Variants in CNN3 observed in about 807,000 individuals in gnomAD.
The protein encoded by CNN3 is calponin-3.
In CNN3, 11 loss-of-function variants were observed where a neutral mutation model predicts 39.0. The observed-to-expected ratio is 0.28, with a 90% confidence interval of 0.18 to 0.47. The LOEUF is 0.47. Ranked by LOEUF, CNN3 falls within the 20% of genes least tolerant of loss-of-function variation. The probability of loss-of-function intolerance (pLI) is 0.99; values close to 1 mark genes in which losing one functional copy is unlikely to be tolerated. For synonymous variants in CNN3, 101 were observed against 138.3 expected, an observed-to-expected ratio of 0.73 and a Z score of 1.89; for missense variants, 266 against 403.4, an observed-to-expected ratio of 0.66 and a Z score of 2.92.
In CNN3 at chr1:94,926,912, G is replaced by C; in HGVS notation, c.-18C>G. 1 of 1,606,970 alleles carries C rather than the reference G, an allele frequency of 6.2e-7. No individual in the cohort carries two copies. The highest frequency in any genetic ancestry group is 1.1e-5 in the South Asian group (1 of 90,550). On this transcript the variant is annotated 5_prime_UTR_variant, in exon 1 of 7. Transcript: ENST00000370206. This position sits in a 1 kb window ranked among gnomAD's most constrained non-coding sequence, Gnocchi z 4.2. ...TGGGTCATGGTGGTTCGGGCGGCGG[G>C]AAGAGACAGCGCTGGGGTCCGGGGT...
chr1:94,906,158 T>C (rs779866563), intron 1 of CNN3, among the ~76,000 whole-genome samples: 1 of 151,980 alleles, frequency 6.6e-6, no homozygotes, highest in Non-Finnish European at 1.5e-5. Context: ...AATTTTCATG[T>C]TTTTAGCAGA....
intron 1 of CNN3, among the ~76,000 whole-genome samples, chr1:94,921,652 G>A (rs860873): frequency 0.38 from 58,445 of 151,936 alleles, 11,787 homozygotes; most frequent in Middle Eastern, 0.46. Flanking sequence ...GGGTATTAGC[G>A]ATGTCATCAT....
chr1:94,924,015 G>A (rs1671514319), intron 1 of CNN3, among the ~76,000 whole-genome samples: 1 of 152,114 alleles, frequency 6.6e-6, no homozygotes, highest in Admixed American at 6.5e-5. Context: ...ACTCCACACT[G>A]TCTCCCCAGG....
chr1:94,926,525 C>G lies in CNN3; in HGVS notation c.57+313G>C, dbSNP rs1281196378. Reference sequence around the variant, plus strand: ...CTTCCCGGAGGGCGCGTTCTGCAGTCACCAAACGGCCCCCGAGACCCCCGC... The same window carrying G: ...CTTCCCGGAGGGCGCGTTCTGCAGTGACCAAACGGCCCCCGAGACCCCCGC... On this transcript the variant is annotated intron_variant, in intron 1 of 6. Transcript: ENST00000370206. This position sits in a 1 kb window ranked among gnomAD's most constrained non-coding sequence, Gnocchi z 4.2. Among the ~76,000 whole-genome samples the G allele has an allele frequency of 8.5e-5, 13 of 152,180 alleles. No individual in the cohort carries two copies. The highest frequency in any genetic ancestry group is 1.6e-4 in the Non-Finnish European group (11 of 68,018).
At chr1:94,901,001 C>G (rs1228182046) in intron 5 of CNN3, among the ~76,000 whole-genome samples, 1 of 152,120 alleles carries the variant, frequency 6.6e-6, no homozygotes, top group Non-Finnish European at 1.5e-5. Context: ...AGGAGGACTG[C>G]TTGAGCTCCA....
chr1:94,918,711 T>C (rs963061205), intron 1 of CNN3, among the ~76,000 whole-genome samples: 5 of 151,740 alleles, frequency 3.3e-5, no homozygotes, highest in Non-Finnish European at 7.4e-5. Context: ...CTGGCCAACA[T>C]GGTAAAACCC....
chr1:94,903,609 C>T (rs938351931), intron 1 of CNN3, 85 bp from the exon 2 acceptor site: 15 of 1,544,924 alleles, frequency 9.7e-6, no homozygotes, highest in African/African-American at 1.4e-5. Flanking sequence ...CTTTCACTAG[C>T]CATTAAGACC....
At chr1:94,917,959 T>A (rs941860865) in intron 1 of CNN3, among the ~76,000 whole-genome samples, 12 of 152,150 alleles carry the variant, frequency 7.9e-5, no homozygotes, top group Non-Finnish European at 2.9e-5. Context: ...CAAGTCTAAG[T>A]CTTTTCCATC....
chr1:94,897,821 T>C lies in CNN3; in HGVS notation c.911A>G (p.Tyr304Cys). ...EISDSDYQAE[Y>C]PDEYHGEYQD... ...GTACTCGCCATGATACTCATCAGGGTATTCTGCCTGATAATCACTATCACT... is the reference window on the plus strand; with the variant it reads ...GTACTCGCCATGATACTCATCAGGGCATTCTGCCTGATAATCACTATCACT... Residue 304 changes from tyrosine to cysteine, a missense_variant, in exon 7 of 7, where the codon TAC becomes TGC. Coordinates refer to ENST00000370206, the MANE Select transcript of CNN3 (RefSeq NM_001839.5). The C allele has an allele frequency of 6.2e-7, 1 of 1,614,140 alleles. No homozygotes were observed.
chr1:94,901,836 A>C (rs1428925544), intron 4 of CNN3, 51 bp from the exon 5 acceptor site: 8 of 1,305,628 alleles, frequency 6.1e-6, no homozygotes, highest in Non-Finnish European at 7.7e-6. Context: ...GTTTCACAGA[A>C]GGAACAACAA....
rs763897729 is a variant in CNN3 at position 94,903,151 on chromosome 1, CCTT to C, written c.214_216del (p.Lys72del). The C allele has an allele frequency of 1.2e-6, 2 of 1,612,352 alleles. No individual in the cohort carries two copies. The highest frequency in any genetic ancestry group is 1.7e-6 in the Non-Finnish European group (2 of 1,179,178). On this transcript the variant is annotated inframe_deletion, in exon 3 of 7. Transcript: ENST00000370206. ...GGCCAGTTCAGTGAGGACTCGTTGA[CCTT>C]CTTCACTGAGCCTGGCTGTAGCTTG... is the stretch of plus-strand genomic sequence containing the variant.
chr1:94,907,200 T>A (rs1671024178), intron 1 of CNN3, among the ~76,000 whole-genome samples: 1 of 152,146 alleles, frequency 6.6e-6, no homozygotes, highest in African/African-American at 2.4e-5. Context: ...AATTAAAAAT[T>A]AAGACTAGGA....
rs546331966 is a variant in CNN3 at position 94,903,007 on chromosome 1, A to G, written c.246+115T>C. On this transcript the variant is annotated intron_variant, in intron 3 of 6. Coordinates refer to ENST00000370206, the MANE Select transcript of CNN3 (RefSeq NM_001839.5). ...GCTACAATGTCTATGTAAAAACCGT[A>G]ATCAAAAAGTTAAAAAAAAAAAAAA... 8 of 743,564 alleles carry G rather than the reference A, an allele frequency of 1.1e-5. No individual in the cohort carries two copies. The South Asian group carries it at 2.0e-4, about 19-fold the overall frequency. The allele number at this position is 743,564 out of a possible 1,614,324, so 46.1% of individuals were successfully genotyped here. A position where few individuals can be genotyped will look rare whatever the true frequency, so the allele number is the denominator to read the frequency against.
chr1:94,900,665 C>T (rs1340883278), intron 5 of CNN3, among the ~76,000 whole-genome samples: 1 of 152,092 alleles, frequency 6.6e-6, no homozygotes, highest in African/African-American at 2.4e-5. Flanking sequence ...TAGAAAGGGG[C>T]ACTGTATCAA....
At chr1:94,925,491 G>T in intron 1 of CNN3, 1 of 565,862 alleles carries the variant, frequency 1.8e-6, no homozygotes, top group Non-Finnish European at 2.2e-6. Flanking sequence ...GTTTGAAAAG[G>T]TAAAGGACCT....
intron 2 of CNN3, 72 bp downstream of exon 2, chr1:94,903,328 GAGA>G: frequency 6.5e-7 from 1 of 1,544,764 alleles, no homozygotes; most frequent in Admixed American, 2.0e-5. Flanking sequence ...ACCCTGGGCT[GAGA>G]AGGAGAGTGA....
chr1:94,919,762 C>T (rs1671391336), intron 1 of CNN3, among the ~76,000 whole-genome samples: 1 of 152,124 alleles, frequency 6.6e-6, no homozygotes, highest in South Asian at 2.1e-4. Flanking sequence ...AGAGTCCTTC[C>T]AAGCACAAAA....
At chr1:94,905,388 C>T (rs1358855684) in intron 1 of CNN3, among the ~76,000 whole-genome samples, 1 of 152,132 alleles carries the variant, frequency 6.6e-6, no homozygotes, top group Admixed American at 6.5e-5. Flanking sequence ...TGCACCTGAG[C>T]CTGAGAGATC....
intron 5 of CNN3, among the ~76,000 whole-genome samples, chr1:94,900,876 A>C (rs76525019): frequency 0.059 from 8,957 of 152,256 alleles, 357 homozygotes; most frequent in African/African-American, 0.1. Flanking sequence ...CTTTGGCATT[A>C]AGGTCGTGTA....
Sources: gnomAD v4.1 joint callset for allele counts (sites outside exome capture counted in the v4.1 genomes callset) on GRCh38, gnomAD v4.1.1 for gene constraint, Gnocchi (gnomAD v3.1) non-coding constraint, MANE v1.5 for transcripts, NCBI Gene and HGNC (gene_info 2026-07-23, HGNC 2026-07-21) for gene names.